GAPVD1: variants seen among roughly 807,000 people sequenced by gnomAD.
GAPVD1 encodes the protein GTPase-activating protein and VPS9 domain-containing protein 1.
GAPVD1 carries 35 observed loss-of-function variants against 155.5 expected under a neutral mutation model. The observed-to-expected ratio is 0.23, with a 90% CI of 0.17 to 0.30. The LOEUF is 0.30. GAPVD1 is among the 10% of genes least tolerant of loss of function. The probability of loss-of-function intolerance (pLI) is 1.00; values close to 1 mark genes in which losing one functional copy is unlikely to be tolerated. For synonymous variants in GAPVD1, 636 were observed against 619.7 expected (o/e 1.03, Z -0.39); for missense variants, 1,429 against 1,775.7 (o/e 0.80, Z 3.51).
chr9:125,339,439 G>A (rs142131512), intron 17 of GAPVD1, among the ~76,000 whole-genome samples: 41 of 152,262 alleles, frequency 2.7e-4, no homozygotes, highest in Admixed American at 1.2e-3. Context: ...TTTACTTTCT[G>A]GCAAAAGATG....
intron 2 of GAPVD1, among the ~76,000 whole-genome samples, chr9:125,280,766 G>T (rs1414127031): frequency 6.6e-6 from 1 of 151,454 alleles, no homozygotes; most frequent in Non-Finnish European, 1.5e-5. Context: ...TAGTAGAGAT[G>T]GGGTTTCACT....
chr9:125,292,863 T>C (rs2132538821), intron 2 of GAPVD1, among the ~76,000 whole-genome samples: 1 of 152,340 alleles, frequency 6.6e-6, no homozygotes, highest in South Asian at 2.1e-4. Flanking sequence ...CTCTCCTGAC[T>C]TCTGCAGATG....
intron 25 of GAPVD1, among the ~76,000 whole-genome samples, chr9:125,357,730 T>C (rs552779960): frequency 1.3e-5 from 2 of 152,210 alleles, no homozygotes; most frequent in South Asian, 2.1e-4. Flanking sequence ...TCCCATCACT[T>C]TGGGAGGCCG....
At chr9:125,324,156 T>A (rs964302974) in intron 11 of GAPVD1, among the ~76,000 whole-genome samples, 1 of 152,232 alleles carries the variant, frequency 6.6e-6, no homozygotes, top group Non-Finnish European at 1.5e-5. Flanking sequence ...TTTGATATTT[T>A]AATTATGTAA....
intron 2 of GAPVD1, among the ~76,000 whole-genome samples, chr9:125,281,484 G>T (rs1349183278): frequency 6.6e-6 from 1 of 151,986 alleles, no homozygotes; most frequent in Non-Finnish European, 1.5e-5. Flanking sequence ...TAGCTTTACA[G>T]AAAAATTGAG....
At chr9:125,285,979 C>T (rs1357767077) in intron 2 of GAPVD1, among the ~76,000 whole-genome samples, 1 of 151,700 alleles carries the variant, frequency 6.6e-6, no homozygotes, top group African/African-American at 2.4e-5. Flanking sequence ...AGATAATTTT[C>T]GTGTTCTCTG....
At chr9:125,351,343 A>G (rs1321002804) in intron 23 of GAPVD1, among the ~76,000 whole-genome samples, 2 of 152,152 alleles carry the variant, frequency 1.3e-5, no homozygotes, top group African/African-American at 4.8e-5. Flanking sequence ...CAGCCAAACC[A>G]TATCTTTCTG....
At chr9:125,353,791 A>G (rs1349310184) in intron 23 of GAPVD1, among the ~76,000 whole-genome samples, 1 of 152,208 alleles carries the variant, frequency 6.6e-6, no homozygotes, top group Non-Finnish European at 1.5e-5. Flanking sequence ...ACATGCCTCC[A>G]TGATTCAATT....
At position 125,338,955 on chromosome 9, in the gene GAPVD1, GTGTATA is replaced by G. The variant is rs1372755765; in HGVS notation, c.2877+1366_2877+1371del. ...TGTGTGTGTGTGTGTGTGTGTGTGTGTGTATATATATTTTTTGTTGTTGTTGTGGTT... is the reference window on the plus strand; with the variant it reads ...TGTGTGTGTGTGTGTGTGTGTGTGTGTATATTTTTTGTTGTTGTTGTGGTT... On this transcript the variant is annotated intron_variant, in intron 17 of 27. Transcript: ENST00000297933. Among the ~76,000 whole-genome samples, 593 of 148,612 alleles carry G rather than the reference GTGTATA, an allele frequency of 4.0e-3. 5 individuals are homozygous for G. Among genetic ancestry groups the G allele is most frequent in the African/African-American group, 0.012 (463 of 40,134 alleles).
chr9:125,330,068 GGTTATACAGGTGCTGCA>G lies in GAPVD1; in HGVS notation c.2033-8_2041del. On this transcript the variant is annotated splice_acceptor_variant and splice_polypyrimidine_tract_variant and coding_sequence_variant and intron_variant, in exon 13 of 28. Transcript: ENST00000297933. LOFTEE classifies it high-confidence loss of function. The stretch of plus-strand genomic sequence containing the variant: ...CTTTGTTAACCCTTTGCTTCCCACT[GGTTATACAGGTGCTGCA>G]GCAGAGAACATGTTAGGCAGTTTGC... 1 of 1,597,422 alleles carries G rather than the reference GGTTATACAGGTGCTGCA, an allele frequency of 6.3e-7. No individual in the cohort carries two copies. The highest frequency in any genetic ancestry group is 8.5e-7 in the Non-Finnish European group (1 of 1,173,014).
intron 6 of GAPVD1, among the ~76,000 whole-genome samples, chr9:125,306,829 A>G (rs967911055): frequency 6.6e-6 from 1 of 152,132 alleles, no homozygotes; most frequent in African/African-American, 2.4e-5. Flanking sequence ...AAAAGAGTTT[A>G]ATTTTTTTAG....
rs1298462345 is a variant in GAPVD1 at position 125,364,497 on chromosome 9, G to A, written c.*1751G>A. On this transcript the variant is annotated 3_prime_UTR_variant, in exon 28 of 28. Transcript: ENST00000297933. Reference sequence around the variant, plus strand: ...CTGACCTCGTGATCCACCCGCCTTGGCCTCCCAAAGTGCGGGATTACAAGC... The same window carrying A: ...CTGACCTCGTGATCCACCCGCCTTGACCTCCCAAAGTGCGGGATTACAAGC... 6.6e-6 allele frequency: 1 copy of A among 152,184 alleles called. No individual in the cohort carries two copies. The highest frequency in any genetic ancestry group is 1.5e-5 in the Non-Finnish European group (1 of 68,052). 9.4% of individuals were successfully genotyped at this position (152,184 alleles called of 1,614,324 possible). A position where few individuals can be genotyped will look rare whatever the true frequency, so the allele number is the denominator to read the frequency against.
chr9:125,286,475 G>GT (rs562488032), intron 2 of GAPVD1, among the ~76,000 whole-genome samples: 4,060 of 144,922 alleles, frequency 0.028, 97 homozygotes, highest in African/African-American at 0.075. Context: ...TCAAAGTCTA[G>GT]TTTTTTTTTT....
chr9:125,285,815 T>A (rs1478944130), intron 2 of GAPVD1, among the ~76,000 whole-genome samples: 4 of 152,056 alleles, frequency 2.6e-5, no homozygotes, highest in Non-Finnish European at 5.9e-5. Context: ...TATTTTATTT[T>A]ATTTATTTTT....
intron 2 of GAPVD1, among the ~76,000 whole-genome samples, chr9:125,286,354 G>T (rs1837698521): frequency 6.6e-6 from 1 of 151,934 alleles, no homozygotes; most frequent in Non-Finnish European, 1.5e-5. Flanking sequence ...ATGTTGCCTA[G>T]GCTGATCTTA....
chr9:125,337,007 T>C lies in GAPVD1; in HGVS notation c.2429-11T>C. The C allele has an allele frequency of 1.3e-6, 2 of 1,576,540 alleles. No individual in the cohort carries two copies. Among genetic ancestry groups the C allele is most frequent in the Non-Finnish European group, 1.7e-6 (2 of 1,145,958 alleles). The stretch of plus-strand genomic sequence containing the variant: ...TCCTGGCTTGGTCTCACAGTTTCCC[T>C]CCTGTTTTAGGTGCCCACCAGCTGA... On this transcript the variant is annotated splice_polypyrimidine_tract_variant and intron_variant, in intron 15 of 27. Transcript: ENST00000297933.
At chr9:125,355,926 G>A (rs903399636) in intron 25 of GAPVD1, 69 bp downstream of exon 25, 3 of 867,260 alleles carry the variant, frequency 3.5e-6, no homozygotes, top group Admixed American at 3.5e-5. Context: ...CATATTTTAG[G>A]CAAGCTATAC....
At chr9:125,273,476 AT>A (rs1292511404) in intron 2 of GAPVD1, among the ~76,000 whole-genome samples, 5 of 150,296 alleles carry the variant, frequency 3.3e-5, no homozygotes, top group Non-Finnish European at 5.9e-5. Flanking sequence ...TTGGTGCCAA[AT>A]TTTTATTGTT....
At chr9:125,273,343 C>T (rs1002769882) in intron 2 of GAPVD1, among the ~76,000 whole-genome samples, 1 of 151,952 alleles carries the variant, frequency 6.6e-6, no homozygotes, top group African/African-American at 2.4e-5. Context: ...TGAACTATGT[C>T]TTATTTTGAA....
Sources: allele counts gnomAD v4.1 joint callset (sites outside exome capture counted in the v4.1 genomes callset), GRCh38; gene constraint gnomAD v4.1.1; transcripts MANE v1.5; gene names NCBI Gene and HGNC (gene_info 2026-07-23, HGNC 2026-07-21).